The following LYST variants were observed in gnomAD, a reference collection of about 807,000 sequenced individuals.
LYST encodes lysosomal trafficking regulator.
Under a neutral mutation model 413.6 loss-of-function variants are expected in LYST, and 192 were observed. The ratio of observed to expected loss-of-function variants is 0.46; its 90% CI spans 0.41 to 0.52. LYST has a LOEUF of 0.52. Ranked by LOEUF, LYST falls within the 20% of genes least tolerant of loss-of-function variation. LYST has a pLI of 0.00. For missense variants in LYST, 3,815 were observed against 4,499.9 expected, an observed-to-expected ratio of 0.85 and a Z score of 4.35; for synonymous variants, 1,525 against 1,567.3, an observed-to-expected ratio of 0.97 and a Z score of 0.64.
chr1:235,862,618 A>C (rs759557692), intron 1 of LYST, among the ~76,000 whole-genome samples: 13 of 152,178 alleles, frequency 8.5e-5, no homozygotes, highest in Non-Finnish European at 1.8e-4. Context: ...CAACACGGTG[A>C]AACCCCATGT....
At chr1:235,835,840 G>A (rs544855524) in intron 1 of LYST, among the ~76,000 whole-genome samples, 2 of 152,228 alleles carry the variant, frequency 1.3e-5, no homozygotes, top group East Asian at 3.9e-4. Context: ...TAGGTCACAA[G>A]TTACTTAAGG....
At chr1:235,795,236 C>A (rs1189809847) in intron 10 of LYST, among the ~76,000 whole-genome samples, 1 of 152,070 alleles carries the variant, frequency 6.6e-6, no homozygotes, top group African/African-American at 2.4e-5. Context: ...GTACAGAGCA[C>A]AGATAGTTCA....
rs746700871 is a variant in LYST at position 235,663,972 on chromosome 1, A to G, written c.11267+12T>C. On this transcript the variant is annotated intron_variant, in intron 52 of 52. Transcript: ENST00000389793. ...TTGTATTCTGAAGCATAAGAGGGGG[A>G]GAAGATCTTACCTGATGATGGGCTT... 6.3e-7 allele frequency: 1 copy of G among 1,587,922 alleles called. No homozygotes were observed. The highest frequency in any genetic ancestry group is 8.6e-7 in the Non-Finnish European group (1 of 1,156,122).
rs150755214 is a variant in LYST at position 235,763,407 on chromosome 1, C to A, written c.6122-556G>T. On this transcript the variant is annotated intron_variant, in intron 21 of 52. Transcript: ENST00000389793. Reference sequence around the variant, plus strand: ...GTGGTAACCTGGAGCTACCCTTGACCACTACCTTTCCTTTATCCATGGCAA... The same window carrying A: ...GTGGTAACCTGGAGCTACCCTTGACAACTACCTTTCCTTTATCCATGGCAA... Among the ~76,000 whole-genome samples the A allele has an allele frequency of 8.8e-5, 12 of 136,176 alleles. 1 individual carries two copies. In the East Asian group the frequency reaches 5.5e-3, roughly 63 times the overall value. The allele number at this position is 136,176 out of a possible 152,430, so 89.3% of individuals were successfully genotyped here.
At chr1:235,755,434 A>G (rs1666945054) in intron 25 of LYST, 44 bp downstream of exon 25, 6 of 1,497,372 alleles carry the variant, frequency 4.0e-6, no homozygotes, top group Non-Finnish European at 5.6e-6. Context: ...AAAAGAAAAA[A>G]GACAAAAGAT....
At chr1:235,772,731 T>A (rs12079040) in intron 19 of LYST, among the ~76,000 whole-genome samples, 6,079 of 152,180 alleles carry the variant, frequency 0.04, 419 homozygotes, top group African/African-American at 0.14. Context: ...TAGTTAGAAG[T>A]GTATCCATTT....
chr1:235,812,309 G>T (rs1449966697), intron 4 of LYST, among the ~76,000 whole-genome samples: 2 of 152,004 alleles, frequency 1.3e-5, no homozygotes, highest in Admixed American at 6.6e-5. Flanking sequence ...TTTGAGACCA[G>T]CCTGGCCAAC....
At position 235,805,838 on chromosome 1, in the gene LYST, G is replaced by A; in HGVS notation, c.3298C>T (p.Leu1100Phe). The change falls in exon 6 of 53, where the codon CTT becomes TTT. Residue 1100 changes from leucine (L) to phenylalanine (F), a missense_variant. Around this residue, in one of 4 missense-constraint regions of LYST, gnomAD observed 1,648 missense variants for 1,810.3 expected, o/e 0.91. Transcript: ENST00000389793. ...LFTSQESETS[L>F]QSIRLLEALL... ...GCTTCCAAAAGTCGTATACTTTGAA[G>A]TGAGGTCTCACTTTCTTGACTTGTA... 1.2e-6 allele frequency: 2 copies of A among 1,613,764 alleles called. No individual in the cohort carries two copies. The highest frequency in any genetic ancestry group is 2.2e-5 in the South Asian group (2 of 91,074).
At chr1:235,801,658 TC>T in intron 8 of LYST, among the ~76,000 whole-genome samples, 1 of 152,276 alleles carries the variant, frequency 6.6e-6, no homozygotes, top group South Asian at 2.1e-4. Context: ...TCTACCTAGA[TC>T]AGAATTCTTT....
chr1:235,727,497 C>T (rs1663992556), intron 38 of LYST, among the ~76,000 whole-genome samples: 1 of 151,950 alleles, frequency 6.6e-6, no homozygotes, highest in South Asian at 2.1e-4. Context: ...CTTAGGAATT[C>T]CCGGCTTTAG....
At chr1:235,773,787 G>C (rs566507750) in intron 19 of LYST, 55 bp downstream of exon 19, 1 of 1,417,736 alleles carries the variant, frequency 7.1e-7, no homozygotes, top group East Asian at 2.3e-5. Flanking sequence ...GGTAAATTTT[G>C]TGTTATATGC....
Position 235,844,257 on chromosome 1 carries a change from T to G in LYST, c.-97-10590A>C, listed in dbSNP as rs972121472. Among the ~76,000 whole-genome samples the G allele has an allele frequency of 3.3e-5, 4 of 122,850 alleles. 1 individual carries two copies. Among genetic ancestry groups the G allele is most frequent in the Admixed American group, 3.0e-4 (4 of 13,468 alleles). 80.6% of individuals were successfully genotyped at this position (122,850 alleles called of 152,430 possible). A position where few individuals can be genotyped will look rare whatever the true frequency, so the allele number is the denominator to read the frequency against. Reference sequence around the variant, plus strand: ...ACAACACATCAGTAAAAATAAAAAATCTTTATGAGAAAAAAAGATAACACC... The same window carrying G: ...ACAACACATCAGTAAAAATAAAAAAGCTTTATGAGAAAAAAAGATAACACC... On this transcript the variant is annotated intron_variant, in intron 1 of 52. Transcript: ENST00000389793.
At chr1:235,675,052 A>G (rs1659269279) in intron 50 of LYST, among the ~76,000 whole-genome samples, 1 of 152,146 alleles carries the variant, frequency 6.6e-6, no homozygotes, top group Admixed American at 6.5e-5. Context: ...TAAACAACCA[A>G]AAGGAACTAC....
intron 14 of LYST, among the ~76,000 whole-genome samples, chr1:235,785,528 T>C (rs571276135): frequency 6.6e-6 from 1 of 152,336 alleles, no homozygotes; most frequent in Non-Finnish European, 1.5e-5. Flanking sequence ...GTTATTTCCA[T>C]GGTCTAATCT....
chr1:235,730,761 C>A (rs1179439877), intron 36 of LYST, 86 bp downstream of exon 36: 1 of 984,362 alleles, frequency 1.0e-6, no homozygotes, highest in African/African-American at 1.6e-5. Flanking sequence ...AAAATGATGG[C>A]ATTATATAAA....
intron 20 of LYST, among the ~76,000 whole-genome samples, chr1:235,767,951 TG>T (rs1341354399): frequency 6.6e-6 from 1 of 152,112 alleles, no homozygotes; most frequent in East Asian, 1.9e-4. Flanking sequence ...TTCACTTTAC[TG>T]AGTCTCCTCT....
intron 6 of LYST, among the ~76,000 whole-genome samples, chr1:235,805,507 A>G (rs1672718355): frequency 6.6e-6 from 1 of 151,866 alleles, no homozygotes. Context: ...TTGAAACACA[A>G]TATCCATTAT....
intron 28 of LYST, chr1:235,747,416 G>A (rs1666037236): frequency 4.2e-6 from 1 of 240,170 alleles, no homozygotes; most frequent in Admixed American, 4.8e-5. Flanking sequence ...ATTATAACAG[G>A]TTTTAAAGAC....
chr1:235,788,776 T>C lies in LYST; in HGVS notation c.4613A>G (p.His1538Arg). Residue 1538 changes from histidine to arginine, a missense_variant, in exon 13 of 53, where the codon CAT becomes CGT. By Grantham distance (29) the His-to-Arg change is conservative (BLOSUM62 0). Around this residue, in one of 4 missense-constraint regions of LYST, gnomAD observed 1,648 missense variants for 1,810.3 expected, o/e 0.91. Coordinates refer to ENST00000389793, the MANE Select transcript of LYST (RefSeq NM_000081.4). ...CGCTTTGGATCCCAGTGAAATTATA[T>C]GAATACATCCTTCTTCTATGAGTCT... is the stretch of plus-strand genomic sequence containing the variant. Reference protein sequence around the residue: ...GERLIEEGCIHIISLGSKALM... With the variant: ...GERLIEEGCIRIISLGSKALM... The C allele has an allele frequency of 6.2e-7, 1 of 1,613,514 alleles. No homozygotes were observed. The highest frequency in any genetic ancestry group is 8.5e-7 in the Non-Finnish European group (1 of 1,179,520).
Sources: gnomAD v4.1 joint callset for allele counts (sites outside exome capture counted in the v4.1 genomes callset) on GRCh38, gnomAD v4.1.1 for gene constraint, gnomAD v4.1.1 regional missense constraint, MANE v1.5 for transcripts, NCBI Gene and HGNC (gene_info 2026-07-23, HGNC 2026-07-21) for gene names.